The following CDON variants were observed in gnomAD, a reference collection of about 807,000 sequenced individuals.
CDON encodes cell adhesion molecule-related/down-regulated by oncogenes.
CDON carries 73 observed loss-of-function variants against 120.9 expected under a neutral mutation model. That is an observed-to-expected ratio of 0.60 (90% CI 0.50 to 0.73). The LOEUF (loss-of-function observed/expected upper bound fraction) is 0.73. Among genes scored for constraint, CDON ranks in the 30% least tolerant of loss-of-function variants. The pLI is 0.00. For missense variants in CDON, 1,470 were observed against 1,587.3 expected, an observed-to-expected ratio of 0.93 and a Z score of 1.26; for synonymous variants, 566 against 573.5, an observed-to-expected ratio of 0.99 and a Z score of 0.19.
chr11:125,995,528 A>G (rs1190781180), intron 12 of CDON, among the ~76,000 whole-genome samples: 1 of 152,242 alleles, frequency 6.6e-6, no homozygotes, highest in Non-Finnish European at 1.5e-5. Flanking sequence ...GCGGCCGCAG[A>G]TGTCACTCTG....
chr11:125,988,132 A>C (rs886159006), intron 15 of CDON, among the ~76,000 whole-genome samples: 4 of 152,222 alleles, frequency 2.6e-5, no homozygotes, highest in African/African-American at 7.2e-5. Flanking sequence ...AACCCCACAG[A>C]ACTCTGGGAT....
intron 1 of CDON, among the ~76,000 whole-genome samples, chr11:126,043,103 T>C (rs540109595): frequency 1.1e-3 from 173 of 152,320 alleles, no homozygotes; most frequent in Non-Finnish European, 2.1e-3. Context: ...GGAAACTGGC[T>C]GTCCGCAACA....
upstream of CDON, chr11:126,063,180 A>G (rs1427771098): frequency 6.6e-6 from 1 of 152,236 alleles, no homozygotes; most frequent in Non-Finnish European, 1.5e-5. Flanking sequence ...GGAGCATAGA[A>G]GAGGCTTTTC....
intron 18 of CDON, among the ~76,000 whole-genome samples, chr11:125,963,200 T>C (rs1292529768): frequency 2.0e-5 from 3 of 152,150 alleles, no homozygotes; most frequent in Non-Finnish European, 4.4e-5. Context: ...TGCCTGCTTC[T>C]GCTTATTCTC....
intron 1 of CDON, among the ~76,000 whole-genome samples, chr11:126,053,012 T>C (rs891811656): frequency 6.6e-6 from 1 of 152,152 alleles, no homozygotes; most frequent in African/African-American, 2.4e-5. Context: ...GGGGGTGTCA[T>C]GTCCTGGAAT....
intron 1 of CDON, among the ~76,000 whole-genome samples, chr11:126,048,955 G>T (rs563344408): frequency 6.6e-6 from 1 of 152,052 alleles, no homozygotes; most frequent in South Asian, 2.1e-4. Context: ...CGCCCACCTC[G>T]GCCTTCCAAA....
chr11:126,060,255 T>G (rs898172893), intron 1 of CDON, among the ~76,000 whole-genome samples: 3 of 152,164 alleles, frequency 2.0e-5, no homozygotes, highest in Non-Finnish European at 4.4e-5. Flanking sequence ...GCAACCATAC[T>G]CCAAATTCTG....
intron 14 of CDON, among the ~76,000 whole-genome samples, chr11:125,992,509 C>T (rs1023589827): frequency 2.6e-5 from 4 of 152,164 alleles, no homozygotes; most frequent in Non-Finnish European, 5.9e-5. Context: ...TCCCCTTATG[C>T]CCCTTCCAGG....
At chr11:125,976,831 C>G (rs150792212) in intron 18 of CDON, among the ~76,000 whole-genome samples, 1 of 152,270 alleles carries the variant, frequency 6.6e-6, no homozygotes, top group Non-Finnish European at 1.5e-5. Context: ...CAATTTTCCC[C>G]TTTTTAGTTA....
At position 125,990,688 on chromosome 11, in the gene CDON, A is replaced by C. The variant is rs566280775; in HGVS notation, c.2651-929T>G. The stretch of plus-strand genomic sequence containing the variant: ...AAAGCAAAACAAAACCACACATGCA[A>C]GTTAAATCTACTTGGCTGAACAGGA... On this transcript the variant is annotated intron_variant, in intron 14 of 19. Transcript: ENST00000531738. Among the ~76,000 whole-genome samples the C allele has an allele frequency of 9.8e-5, 15 of 152,346 alleles. No homozygotes were observed. In the East Asian group the frequency reaches 2.7e-3, roughly 27 times the overall value.
intron 2 of CDON, among the ~76,000 whole-genome samples, 166 bp downstream of exon 2, chr11:126,023,235 T>C (rs1323665366): frequency 2.0e-5 from 3 of 152,214 alleles, no homozygotes; most frequent in Non-Finnish European, 2.9e-5. Flanking sequence ...AAGAGATCCT[T>C]AAATTGCTTA....
Position 125,996,391 on chromosome 11 carries a change from T to C in CDON, c.2362+816A>G, listed in dbSNP as rs541062436. On this transcript the variant is annotated intron_variant, in intron 12 of 19. Transcript: ENST00000531738. ...CATATACGATAAAATATGGGGAATATTGGATAATAAAACAATATTTATGGC... is the reference window on the plus strand; with the variant it reads ...CATATACGATAAAATATGGGGAATACTGGATAATAAAACAATATTTATGGC... Among the ~76,000 whole-genome samples the C allele has an allele frequency of 1.4e-3, 210 of 152,148 alleles. 1 individual carries two copies. The highest frequency in any genetic ancestry group is 3.5e-3 in the Admixed American group (54 of 15,262).
chr11:126,023,239 T>C (rs1385812622), intron 2 of CDON, among the ~76,000 whole-genome samples, 162 bp downstream of exon 2: 1 of 152,208 alleles, frequency 6.6e-6, no homozygotes, highest in Non-Finnish European at 1.5e-5. Context: ...GATCCTTAAA[T>C]TGCTTAATTT....
intron 14 of CDON, among the ~76,000 whole-genome samples, chr11:125,992,404 T>A (rs1259688335): frequency 6.6e-6 from 1 of 152,210 alleles, no homozygotes; most frequent in Non-Finnish European, 1.5e-5. Flanking sequence ...TCTACATAAC[T>A]GTACAGCTCA....
intron 18 of CDON, among the ~76,000 whole-genome samples, chr11:125,976,398 T>C (rs7124748): frequency 0.4 from 60,398 of 151,842 alleles, 12,155 homozygotes; most frequent in Admixed American, 0.44. Context: ...AGGAAGAAAA[T>C]TGAAACCAGG....
chr11:126,019,548 G>C, intron 4 of CDON, 71 bp downstream of exon 4: 1 of 1,536,654 alleles, frequency 6.5e-7, no homozygotes, highest in Non-Finnish European at 9.0e-7. Flanking sequence ...CTAGCACACA[G>C]AGCTTAGAAG....
intron 9 of CDON, 95 bp from the exon 10 acceptor site, chr11:126,004,171 T>A (rs933343674): frequency 8.0e-7 from 1 of 1,252,244 alleles, no homozygotes; most frequent in Non-Finnish European, 1.1e-6. Context: ...TTCATTTAAT[T>A]CTAGAAGAGT....
intron 10 of CDON, 140 bp from the exon 11 acceptor site, chr11:126,001,990 A>G (rs1048704595): frequency 1.6e-5 from 11 of 691,462 alleles, no homozygotes; most frequent in Non-Finnish European, 2.6e-5. Flanking sequence ...TGTAAGACCT[A>G]CTTCATAAAT....
chr11:126,000,803 G>A (rs546014428), intron 11 of CDON, among the ~76,000 whole-genome samples: 23 of 152,090 alleles, frequency 1.5e-4, no homozygotes, highest in Non-Finnish European at 2.8e-4. Flanking sequence ...ATCAATTCAT[G>A]GAAAACTGTA....
Sources: allele counts gnomAD v4.1 joint callset (sites outside exome capture counted in the v4.1 genomes callset), GRCh38; gene constraint gnomAD v4.1.1; transcripts MANE v1.5; gene names NCBI Gene and HGNC (gene_info 2026-07-23, HGNC 2026-07-21).